Variants in KCNQ1OT1 observed in about 807,000 individuals in gnomAD.
The protein encoded by KCNQ1OT1 is KCNQ1 antisense RNA 2 (non-protein coding).
rs1849689944 is a variant in KCNQ1OT1, at chr11:2,647,853, CT to C, written n.52141del. 2.5e-6 allele frequency: 1 copy of C among 398,082 alleles called. No individual in the cohort carries two copies. Among genetic ancestry groups the C allele is most frequent in the African/African-American group, 2.1e-5 (1 of 48,524 alleles). 24.7% of individuals were successfully genotyped at this position (398,082 alleles called of 1,614,324 possible). A position where few individuals can be genotyped will look rare whatever the true frequency, so the allele number is the denominator to read the frequency against. On this transcript the variant is annotated non_coding_transcript_exon_variant, in exon 1 of 1. Transcript: ENST00000597346. The surrounding 1 kb of genome is among the most constrained non-coding windows in gnomAD (Gnocchi z 4.0). ...CCATTGTAAGTCTCCTTTTTCATTT[CT>C]GATTTTATTTATTGGGTCTTCTTGG...
chr11:2,661,887 T>C lies in KCNQ1OT1; in HGVS notation n.38108A>G. ...CCACTCCTCACCTGGCCCTGGGAGC[T>C]CACAGGCCTGGCTCCACAGCACTGG... On this transcript the variant is annotated non_coding_transcript_exon_variant, in exon 1 of 1. Coordinates refer to ENST00000597346, the Ensembl canonical transcript of KCNQ1OT1. This position sits in a 1 kb window ranked among gnomAD's most constrained non-coding sequence, Gnocchi z 5.9. 2 of 1,595,254 alleles carry C rather than the reference T, an allele frequency of 1.3e-6. No individual in the cohort carries two copies. Among genetic ancestry groups the C allele is most frequent in the Non-Finnish European group, 1.7e-6 (2 of 1,163,966 alleles).
In KCNQ1OT1 at chr11:2,669,431, T is replaced by C. The variant is rs1436916840; in HGVS notation, n.30564A>G. On this transcript the variant is annotated non_coding_transcript_exon_variant, in exon 1 of 1. Coordinates refer to ENST00000597346, the Ensembl canonical transcript of KCNQ1OT1. This position sits in a 1 kb window ranked among gnomAD's most constrained non-coding sequence, Gnocchi z 5.6. Reference sequence around the variant, plus strand: ...GTCCCTTGTTTATTTAGGTTGACTTTCATATCTTTTACCTTGCCCTGTAGT... The same window carrying C: ...GTCCCTTGTTTATTTAGGTTGACTTCCATATCTTTTACCTTGCCCTGTAGT... 5.0e-6 allele frequency: 2 copies of C among 398,534 alleles called. No homozygotes were observed. Among genetic ancestry groups the C allele is most frequent in the Non-Finnish European group, 4.4e-6 (1 of 226,084 alleles). The allele number at this position is 398,534 out of a possible 1,614,324, so 24.7% of individuals were successfully genotyped here. A position where few individuals can be genotyped will look rare whatever the true frequency, so the allele number is the denominator to read the frequency against.
rs140923605 is a variant in KCNQ1OT1 at position 2,664,820 on chromosome 11, T to C, written n.35175A>G. The C allele has an allele frequency of 1.1e-3, 420 of 398,672 alleles. 1 individual carries two copies. Among genetic ancestry groups the C allele is most frequent in the African/African-American group, 8.2e-3 (402 of 48,736 alleles). The allele number at this position is 398,672 out of a possible 1,614,324, so 24.7% of individuals were successfully genotyped here. On this transcript the variant is annotated non_coding_transcript_exon_variant, in exon 1 of 1. Coordinates refer to ENST00000597346, the Ensembl canonical transcript of KCNQ1OT1. This position sits in a 1 kb window ranked among gnomAD's most constrained non-coding sequence, Gnocchi z 5.1. Reference sequence around the variant, plus strand: ...AAACATTTCCATTTTTCTTCAGCATTCTACTGATGTTAAATGTATTACCAT... The same window carrying C: ...AAACATTTCCATTTTTCTTCAGCATCCTACTGATGTTAAATGTATTACCAT...
In KCNQ1OT1 at chr11:2,623,947, C is replaced by T; in HGVS notation, n.76048G>A. On this transcript the variant is annotated non_coding_transcript_exon_variant, in exon 1 of 1. Coordinates refer to ENST00000597346, the Ensembl canonical transcript of KCNQ1OT1. The surrounding 1 kb of genome is among the most constrained non-coding windows in gnomAD (Gnocchi z 5.2). ...CATTTTTAATTCTTTGAAGAACCACCAAACTCTTCTCCACCAGGGCTGCAC... is the reference window on the plus strand; with the variant it reads ...CATTTTTAATTCTTTGAAGAACCACTAAACTCTTCTCCACCAGGGCTGCAC... 2.5e-6 allele frequency: 1 copy of T among 398,608 alleles called. No homozygotes were observed. The allele number at this position is 398,608 out of a possible 1,614,324, so 24.7% of individuals were successfully genotyped here. A position where few individuals can be genotyped will look rare whatever the true frequency, so the allele number is the denominator to read the frequency against.
Position 2,642,693 on chromosome 11 carries a change from CT to C in KCNQ1OT1, n.57301del, listed in dbSNP as rs1245769993. The C allele has an allele frequency of 1.0e-5, 4 of 397,658 alleles. No homozygotes were observed. The highest frequency in any genetic ancestry group is 8.2e-5 in the African/African-American group (4 of 48,574). The allele number at this position is 397,658 out of a possible 1,614,324, so 24.6% of individuals were successfully genotyped here. Reference sequence around the variant, plus strand: ...TCTGATCTTCGTTATTTCTTTCCTTCTACTAATTTTATGTTTAGTATGGTTT... The same window carrying C: ...TCTGATCTTCGTTATTTCTTTCCTTCACTAATTTTATGTTTAGTATGGTTT... On this transcript the variant is annotated non_coding_transcript_exon_variant, in exon 1 of 1. Coordinates refer to ENST00000597346, the Ensembl canonical transcript of KCNQ1OT1. The surrounding 1 kb of genome is among the most constrained non-coding windows in gnomAD (Gnocchi z 4.3).
chr11:2,687,477 A>C lies in KCNQ1OT1; in HGVS notation n.12518T>G, dbSNP rs913189566. ...GCACAAGAGCTGCTGCAGCATTTCA[A>C]TAGGGCCATCCCAGGCACCCTAGGA... On this transcript the variant is annotated non_coding_transcript_exon_variant, in exon 1 of 1. Coordinates refer to ENST00000597346, the Ensembl canonical transcript of KCNQ1OT1. This position sits in a 1 kb window ranked among gnomAD's most constrained non-coding sequence, Gnocchi z 5.0. 2.5e-6 allele frequency: 1 copy of C among 398,646 alleles called. No homozygotes were observed. Among genetic ancestry groups the C allele is most frequent in the Non-Finnish European group, 4.4e-6 (1 of 226,240 alleles). 24.7% of individuals were successfully genotyped at this position (398,646 alleles called of 1,614,324 possible). A position where few individuals can be genotyped will look rare whatever the true frequency, so the allele number is the denominator to read the frequency against.
Position 2,685,253 on chromosome 11 carries a change from C to T in KCNQ1OT1, n.14742G>A, listed in dbSNP as rs1185967418. The T allele has an allele frequency of 7.5e-6, 3 of 398,566 alleles. No individual in the cohort carries two copies. The East Asian group carries it at 1.1e-4, about 14-fold the overall frequency. The allele number at this position is 398,566 out of a possible 1,614,324, so 24.7% of individuals were successfully genotyped here. A position where few individuals can be genotyped will look rare whatever the true frequency, so the allele number is the denominator to read the frequency against. On this transcript the variant is annotated non_coding_transcript_exon_variant, in exon 1 of 1. Coordinates refer to ENST00000597346, the Ensembl canonical transcript of KCNQ1OT1. ...ACTTCAGTCCTCCCATTACCAAACT[C>T]CAGGGCACACGTGCCACTGTGTCTT...
rs1222429989 is a variant in KCNQ1OT1, at chr11:2,670,703, T to A, written n.29292A>T. On this transcript the variant is annotated non_coding_transcript_exon_variant, in exon 1 of 1. Transcript: ENST00000597346. The surrounding 1 kb of genome is among the most constrained non-coding windows in gnomAD (Gnocchi z 4.9). Reference sequence around the variant, plus strand: ...GCAGTAACAAGACAAAGGGATTCTGTGGCCCATGGAGCAGGAGGGAACAGT... The same window carrying A: ...GCAGTAACAAGACAAAGGGATTCTGAGGCCCATGGAGCAGGAGGGAACAGT... 7.5e-6 allele frequency: 3 copies of A among 398,466 alleles called. No homozygotes were observed. The highest frequency in any genetic ancestry group is 1.3e-5 in the Non-Finnish European group (3 of 226,112). 24.7% of individuals were successfully genotyped at this position (398,466 alleles called of 1,614,324 possible).
At chr11:2,632,482 G>A (rs1564839559) in exon 1 of KCNQ1OT1, 1 of 398,320 alleles carries the variant, frequency 2.5e-6, no homozygotes, top group Non-Finnish European at 4.4e-6. Context: ...CCATTATGAT[G>A]CTCCTTGTGG....
At chr11:2,635,238 A>C (rs527381227) in exon 1 of KCNQ1OT1, 1 of 152,172 alleles carries the variant, frequency 6.6e-6, no homozygotes, top group Non-Finnish European at 1.5e-5. Context: ...TTGGTGTTTT[A>C]GACATGAAGT....
rs954488375 is a variant in KCNQ1OT1 at position 2,642,408 on chromosome 11, C to T, written n.57587G>A. ...TTCTTGATTTCTTTCTCAGCTGGTTCTTTATTGGTATATAGAAATAAGCCT... is the reference window on the plus strand; with the variant it reads ...TTCTTGATTTCTTTCTCAGCTGGTTTTTTATTGGTATATAGAAATAAGCCT... On this transcript the variant is annotated non_coding_transcript_exon_variant, in exon 1 of 1. Coordinates refer to ENST00000597346, the Ensembl canonical transcript of KCNQ1OT1. The surrounding 1 kb of genome is among the most constrained non-coding windows in gnomAD (Gnocchi z 4.3). The T allele has an allele frequency of 5.0e-6, 2 of 397,732 alleles. No individual in the cohort carries two copies. Among genetic ancestry groups the T allele is most frequent in the African/African-American group, 4.1e-5 (2 of 48,552 alleles). 24.6% of individuals were successfully genotyped at this position (397,732 alleles called of 1,614,324 possible). A position where few individuals can be genotyped will look rare whatever the true frequency, so the allele number is the denominator to read the frequency against.
Position 2,621,268 on chromosome 11 carries a change from G to A in KCNQ1OT1, n.78727C>T, listed in dbSNP as rs1471578287. 2.8e-5 allele frequency: 11 copies of A among 398,306 alleles called. No individual in the cohort carries two copies. The highest frequency in any genetic ancestry group is 4.1e-5 in the African/African-American group (2 of 48,608). The allele number at this position is 398,306 out of a possible 1,614,324, so 24.7% of individuals were successfully genotyped here. Reference sequence around the variant, plus strand: ...GCTAGGACTACAGGCATGAGCCACCGTGCCTGGCCTCATTATTTGCATTTC... The same window carrying A: ...GCTAGGACTACAGGCATGAGCCACCATGCCTGGCCTCATTATTTGCATTTC... On this transcript the variant is annotated non_coding_transcript_exon_variant, in exon 1 of 1. Coordinates refer to ENST00000597346, the Ensembl canonical transcript of KCNQ1OT1. The surrounding 1 kb of genome is among the most constrained non-coding windows in gnomAD (Gnocchi z 5.7).
chr11:2,680,995 G>C, exon 1 of KCNQ1OT1: 1 of 398,468 alleles, frequency 2.5e-6, no homozygotes, highest in Non-Finnish European at 4.4e-6. Context: ...AGGTGAAATA[G>C]GTATGTGTTC....
chr11:2,656,500 T>C (rs1309841699), exon 1 of KCNQ1OT1: 2 of 398,582 alleles, frequency 5.0e-6, no homozygotes, highest in African/African-American at 4.1e-5. Flanking sequence ...GGCCATGAGC[T>C]CCTGAGTTTA....
exon 1 of KCNQ1OT1, chr11:2,684,902 G>A (rs1850457632): frequency 5.0e-6 from 2 of 398,550 alleles, no homozygotes; most frequent in Admixed American, 4.4e-5. Context: ...TACATCATAA[G>A]GTAGGTAAGT....
At position 2,687,287 on chromosome 11, in the gene KCNQ1OT1, GC is replaced by G. The variant is rs1302630070; in HGVS notation, n.12707del. ...CTCTCCTCTGGCCTCCCACCTTGCAGCTTTGAGATCCCAGGCCTCTCAGGGC... is the reference window on the plus strand; with the variant it reads ...CTCTCCTCTGGCCTCCCACCTTGCAGTTTGAGATCCCAGGCCTCTCAGGGC... On this transcript the variant is annotated non_coding_transcript_exon_variant, in exon 1 of 1. Transcript: ENST00000597346. This position sits in a 1 kb window ranked among gnomAD's most constrained non-coding sequence, Gnocchi z 5.0. 1.0e-5 allele frequency: 4 copies of G among 398,574 alleles called. No homozygotes were observed. Among genetic ancestry groups the G allele is most frequent in the African/African-American group, 6.2e-5 (3 of 48,642 alleles). 24.7% of individuals were successfully genotyped at this position (398,574 alleles called of 1,614,324 possible).
In KCNQ1OT1 at chr11:2,658,148, A is replaced by G. The variant is rs1849885508; in HGVS notation, n.41847T>C. On this transcript the variant is annotated non_coding_transcript_exon_variant, in exon 1 of 1. Transcript: ENST00000597346. This position sits in a 1 kb window ranked among gnomAD's most constrained non-coding sequence, Gnocchi z 4.9. ...CAAATATGTTAAAACTACCACAGCA[A>G]TTAAAATACATTTCAAGGAAGAAAC... 7.5e-6 allele frequency: 3 copies of G among 398,522 alleles called. No homozygotes were observed. The South Asian group carries it at 3.8e-4, about 51-fold the overall frequency. 24.7% of individuals were successfully genotyped at this position (398,522 alleles called of 1,614,324 possible). A position where few individuals can be genotyped will look rare whatever the true frequency, so the allele number is the denominator to read the frequency against.
Position 2,654,258 on chromosome 11 carries a change from G to A in KCNQ1OT1, n.45737C>T. 1 of 398,928 alleles carries A rather than the reference G, an allele frequency of 2.5e-6. No homozygotes were observed. The highest frequency in any genetic ancestry group is 4.4e-6 in the Non-Finnish European group (1 of 226,316). The allele number at this position is 398,928 out of a possible 1,614,324, so 24.7% of individuals were successfully genotyped here. On this transcript the variant is annotated non_coding_transcript_exon_variant, in exon 1 of 1. Transcript: ENST00000597346. This position sits in a 1 kb window ranked among gnomAD's most constrained non-coding sequence, Gnocchi z 6.4. ...CCCTGGGGAGGGCTTCTCCTTCACA[G>A]TGCAGGATCCGCAGGGCTTTGGTGA...
chr11:2,654,530 G>C lies in KCNQ1OT1; in HGVS notation n.45465C>G. ...GAGCCCTGGAAAGCTTGTGGAAGAG[G>C]GCTTGGGTTACACCTGGGAGATTAG... On this transcript the variant is annotated non_coding_transcript_exon_variant, in exon 1 of 1. Transcript: ENST00000597346. This position sits in a 1 kb window ranked among gnomAD's most constrained non-coding sequence, Gnocchi z 6.4. The C allele has an allele frequency of 2.5e-6, 1 of 398,800 alleles. No homozygotes were observed. The highest frequency in any genetic ancestry group is 3.6e-5 in the East Asian group (1 of 28,074). 24.7% of individuals were successfully genotyped at this position (398,800 alleles called of 1,614,324 possible). A position where few individuals can be genotyped will look rare whatever the true frequency, so the allele number is the denominator to read the frequency against.
Sources: allele counts gnomAD v4.1 joint callset, GRCh38; gene constraint gnomAD v4.1.1; non-coding constraint Gnocchi (gnomAD v3.1); transcripts MANE v1.5; gene names NCBI Gene and HGNC (gene_info 2026-07-23, HGNC 2026-07-21).